The following ROBO2 variants were observed in gnomAD, a reference collection of about 807,000 sequenced individuals.
ROBO2 encodes the protein roundabout guidance receptor 2, also known as roundabout homolog 2.
ROBO2 carries 53 observed loss-of-function variants against 160.8 expected under a neutral mutation model. The ratio of observed to expected loss-of-function variants is 0.33; its 90% CI spans 0.26 to 0.41. ROBO2 has a LOEUF of 0.41. Among genes scored for constraint, ROBO2 ranks in the 10% least tolerant of loss-of-function variants. The pLI is 1.00. For synonymous variants in ROBO2, 664 were observed against 611.7 expected, an observed-to-expected ratio of 1.09 and a Z score of -1.26; for missense variants, 1,577 against 1,722.4, an observed-to-expected ratio of 0.92 and a Z score of 1.49.
chr3:76,172,436 T>TA (rs59265395), intron 2 of ROBO2, among the ~76,000 whole-genome samples: 231 of 124,732 alleles, frequency 1.9e-3, no homozygotes, highest in Middle Eastern at 4.3e-3. Context: ...GTATAATAAT[T>TA]AAAAAAAAAA....
chr3:76,273,971 G>A (rs1267122691), intron 2 of ROBO2, among the ~76,000 whole-genome samples: 3 of 152,174 alleles, frequency 2.0e-5, no homozygotes, highest in Admixed American at 1.3e-4. Flanking sequence ...GAAGGGCAAA[G>A]AGAGGGTGAA....
intron 2 of ROBO2, among the ~76,000 whole-genome samples, chr3:77,157,464 C>T (rs1455881007): frequency 2.0e-5 from 3 of 151,998 alleles, no homozygotes; most frequent in Admixed American, 2.0e-4. Context: ...AGGAAAGAAA[C>T]TTATAAAAAG....
intron 2 of ROBO2, among the ~76,000 whole-genome samples, chr3:77,374,448 G>T (rs1282324879): frequency 2.6e-5 from 4 of 152,090 alleles, no homozygotes; most frequent in Non-Finnish European, 4.4e-5. Context: ...ATATGTCACT[G>T]CAGTGTCAGC....
intron 2 of ROBO2, among the ~76,000 whole-genome samples, chr3:77,135,097 G>T (rs891952285): frequency 6.6e-6 from 1 of 152,158 alleles, no homozygotes; most frequent in African/African-American, 2.4e-5. Flanking sequence ...CTAGAAGCCC[G>T]TATAAGAGGC....
chr3:77,638,112 T>C (rs1482102999), intron 24 of ROBO2, among the ~76,000 whole-genome samples: 1 of 152,214 alleles, frequency 6.6e-6, no homozygotes, highest in African/African-American at 2.4e-5. Context: ...GATGGTGCTC[T>C]ACAGGTTATC....
At chr3:76,937,871 C>T (rs2077818952) in intron 2 of ROBO2, among the ~76,000 whole-genome samples, 1 of 152,068 alleles carries the variant, frequency 6.6e-6, no homozygotes, top group African/African-American at 2.4e-5. Context: ...GTTACCGTAC[C>T]CTCTACCTAC....
At chr3:75,938,969 T>A (rs1947915267) in intron 2 of ROBO2, among the ~76,000 whole-genome samples, 1 of 152,172 alleles carries the variant, frequency 6.6e-6, no homozygotes, top group East Asian at 1.9e-4. Flanking sequence ...AAAACAAGAA[T>A]ATGTAGACAG....
At chr3:76,242,275 C>T (rs1705336522) in intron 2 of ROBO2, among the ~76,000 whole-genome samples, 1 of 152,186 alleles carries the variant, frequency 6.6e-6, no homozygotes, top group Non-Finnish European at 1.5e-5. Context: ...CAACTGCCCC[C>T]TTCTTCAGAT....
intron 1 of ROBO2, among the ~76,000 whole-genome samples, chr3:77,095,730 A>G (rs1026815824): frequency 6.6e-6 from 1 of 152,164 alleles, no homozygotes; most frequent in Non-Finnish European, 1.5e-5. Flanking sequence ...TTTGCAACCT[A>G]CTTCTATTCA....
intron 2 of ROBO2, among the ~76,000 whole-genome samples, chr3:76,322,164 G>GTATATATA (rs200388202): frequency 0.027 from 2,868 of 107,014 alleles, 60 homozygotes; most frequent in African/African-American, 0.046. Flanking sequence ...TACTTCTTCC[G>GTATATATA]TATATATATA....
intron 20 of ROBO2, among the ~76,000 whole-genome samples, chr3:77,605,918 A>C (rs1583237280): frequency 6.6e-6 from 1 of 152,322 alleles, no homozygotes; most frequent in African/African-American, 2.4e-5. Context: ...GTGAAACTAG[A>C]GAGAAAGCTA....
chr3:76,927,875 G>A (rs1201082170), intron 2 of ROBO2, among the ~76,000 whole-genome samples: 1 of 152,070 alleles, frequency 6.6e-6, no homozygotes, highest in African/African-American at 2.4e-5. Context: ...AAGTGGTTAT[G>A]GAGGGAGAGG....
chr3:77,354,142 G>C (rs2153460903), intron 2 of ROBO2, among the ~76,000 whole-genome samples: 1 of 152,246 alleles, frequency 6.6e-6, no homozygotes, highest in South Asian at 2.1e-4. Context: ...GACACCTTTT[G>C]AGAACCCCCA....
intron 2 of ROBO2, among the ~76,000 whole-genome samples, chr3:76,319,063 C>T (rs552771933): frequency 1.3e-5 from 2 of 152,142 alleles, no homozygotes; most frequent in East Asian, 1.9e-4. Flanking sequence ...CATATTACAT[C>T]GAAAGGCCAT....
At chr3:76,530,827 G>A (rs960844432) in intron 2 of ROBO2, among the ~76,000 whole-genome samples, 8 of 152,102 alleles carry the variant, frequency 5.3e-5, no homozygotes, top group African/African-American at 1.2e-4. Flanking sequence ...AATAAAGACC[G>A]TAACAAGGCT....
intron 2 of ROBO2, among the ~76,000 whole-genome samples, chr3:76,101,237 G>T (rs1347815831): frequency 1.3e-5 from 2 of 152,044 alleles, no homozygotes; most frequent in Admixed American, 1.3e-4. Context: ...TTGGATATAG[G>T]TATAATGTTA....
At chr3:75,912,586 A>T (rs1481089742) in intron 1 of ROBO2, among the ~76,000 whole-genome samples, 2 of 152,198 alleles carry the variant, frequency 1.3e-5, no homozygotes, top group Non-Finnish European at 2.9e-5. Context: ...ATTTAATTTT[A>T]GATGTAAATT....
chr3:76,639,569 G>A (rs113584977), intron 2 of ROBO2, among the ~76,000 whole-genome samples: 52 of 152,076 alleles, frequency 3.4e-4, no homozygotes, highest in African/African-American at 1.2e-3. Flanking sequence ...TTCACAAAAT[G>A]TCTATACCAT....
intron 2 of ROBO2, among the ~76,000 whole-genome samples, chr3:76,772,414 GCA>G (rs1300574465): frequency 6.8e-6 from 1 of 147,906 alleles, no homozygotes; most frequent in African/African-American, 2.5e-5. Context: ...GTATTTATAT[GCA>G]CACACACATA....
Sources: gnomAD v4.1 joint callset for allele counts (sites outside exome capture counted in the v4.1 genomes callset) on GRCh38, gnomAD v4.1.1 for gene constraint, MANE v1.5 for transcripts, NCBI Gene and HGNC (gene_info 2026-07-23, HGNC 2026-07-21) for gene names.